MACROD2: variants seen among roughly 807,000 people sequenced by gnomAD.
The protein encoded by MACROD2 is mono-ADP ribosylhydrolase 2, also known as ADP-ribose glycohydrolase MACROD2.
In MACROD2, 36 loss-of-function variants were observed where a neutral mutation model predicts 70.4. That is an observed-to-expected ratio of 0.51 (90% CI 0.39 to 0.68). The LOEUF is 0.68. Among genes scored for constraint, MACROD2 ranks in the 30% least tolerant of loss-of-function variants. MACROD2 has a pLI of 0.00. For missense variants in MACROD2, 496 were observed against 538.4 expected (o/e 0.92, Z 0.78); for synonymous variants, 172 against 178.8 (o/e 0.96, Z 0.30).
At chr20:15,170,024 T>C (rs2076412056) in intron 5 of MACROD2, among the ~76,000 whole-genome samples, 1 of 152,244 alleles carries the variant, frequency 6.6e-6, no homozygotes, top group African/African-American at 2.4e-5. Context: ...GAAAGCAACA[T>C]GCAAAACACG....
intron 3 of MACROD2, among the ~76,000 whole-genome samples, chr20:14,433,327 G>T (rs2084017164): frequency 6.6e-6 from 1 of 152,152 alleles, no homozygotes; most frequent in Admixed American, 6.6e-5. Flanking sequence ...TGTGTAATAG[G>T]AATGTTTCAG....
At chr20:15,068,808 C>T (rs1050442594) in intron 5 of MACROD2, among the ~76,000 whole-genome samples, 3 of 152,100 alleles carry the variant, frequency 2.0e-5, no homozygotes, top group African/African-American at 7.2e-5. Flanking sequence ...TGGACTGACA[C>T]AGAAAATTGT....
In MACROD2 at chr20:15,459,743, C is replaced by T. The variant is rs534066480; in HGVS notation, c.571+28308C>T. On this transcript the variant is annotated intron_variant, in intron 7 of 17. Transcript: ENST00000684519. ...CGGGAGCCTATGGGAACAGTAAGAA[C>T]TCAGATTATGATTAGGATACAAAGA... Among the ~76,000 whole-genome samples, 55 of 152,194 alleles carry T rather than the reference C, an allele frequency of 3.6e-4. No individual in the cohort carries two copies. The Middle Eastern group carries it at 0.027, about 75-fold the overall frequency.
At chr20:15,783,484 T>C (rs980841410) in intron 8 of MACROD2, among the ~76,000 whole-genome samples, 1 of 152,114 alleles carries the variant, frequency 6.6e-6, no homozygotes, top group African/African-American at 2.4e-5. Context: ...CCAGTCCTAT[T>C]GGAGGGGTAT....
At chr20:15,041,462 T>C (rs1023656345) in intron 5 of MACROD2, among the ~76,000 whole-genome samples, 11 of 152,122 alleles carry the variant, frequency 7.2e-5, no homozygotes, top group African/African-American at 2.2e-4. Context: ...TCTTACTTTT[T>C]TGAGACAGGG....
intron 3 of MACROD2, among the ~76,000 whole-genome samples, chr20:14,236,546 C>A (rs2081873646): frequency 6.6e-6 from 1 of 151,808 alleles, no homozygotes; most frequent in African/African-American, 2.4e-5. Context: ...ATGAAAGAAT[C>A]AAATTAACAA....
At chr20:15,140,995 C>T (rs1198307009) in intron 5 of MACROD2, among the ~76,000 whole-genome samples, 2 of 152,180 alleles carry the variant, frequency 1.3e-5, no homozygotes, top group Admixed American at 6.6e-5. Flanking sequence ...ATTCCATTTA[C>T]ATGCATTCAG....
At chr20:14,363,400 A>G (rs962958564) in intron 3 of MACROD2, among the ~76,000 whole-genome samples, 1 of 152,146 alleles carries the variant, frequency 6.6e-6, no homozygotes, top group East Asian at 1.9e-4. Context: ...GTCCTAAAAC[A>G]TGCCGTTCTA....
chr20:15,999,664 G>A (rs916924491), intron 15 of MACROD2, among the ~76,000 whole-genome samples: 2 of 152,150 alleles, frequency 1.3e-5, no homozygotes, highest in Admixed American at 1.3e-4. Context: ...ATGTTTGGTG[G>A]ATAAATACAT....
intron 3 of MACROD2, among the ~76,000 whole-genome samples, chr20:14,183,625 A>G (rs1259459459): frequency 2.6e-5 from 4 of 151,924 alleles, no homozygotes; most frequent in Non-Finnish European, 5.9e-5. Flanking sequence ...TGAAGTAATT[A>G]ATACTCCCAT....
At chr20:15,485,185 C>A (rs768166155) in intron 7 of MACROD2, among the ~76,000 whole-genome samples, 1 of 151,792 alleles carries the variant, frequency 6.6e-6, no homozygotes, top group Non-Finnish European at 1.5e-5. Context: ...TCTTCATTTT[C>A]TTTGAGCCTA....
At chr20:14,175,645 C>T (rs1391453718) in intron 3 of MACROD2, among the ~76,000 whole-genome samples, 1 of 152,112 alleles carries the variant, frequency 6.6e-6, no homozygotes, top group African/African-American at 2.4e-5. Context: ...TATTTTCCTG[C>T]CCCCAAGTGA....
chr20:15,295,245 G>GA (rs2077575451), intron 6 of MACROD2, among the ~76,000 whole-genome samples: 3 of 152,290 alleles, frequency 2.0e-5, no homozygotes, highest in Middle Eastern at 3.4e-3. Context: ...GTGGAACTGT[G>GA]AGACCATTAA....
rs2050516920 is a variant in MACROD2, at chr20:15,705,312, A to G, written c.646-157433A>G. ...AGGATTCAGGTATTGGTATTTTTTA[A>G]AGCCCCATGGGTGATTCCAGAGTGA... On this transcript the variant is annotated intron_variant, in intron 8 of 17. Coordinates refer to ENST00000684519, the MANE Select transcript of MACROD2 (RefSeq NM_001351661.2). Among the ~76,000 whole-genome samples the G allele has an allele frequency of 2.6e-5, 4 of 152,320 alleles. No homozygotes were observed. In the South Asian group the frequency reaches 6.2e-4, roughly 24 times the overall value.
chr20:14,363,462 G>C (rs983186456), intron 3 of MACROD2, among the ~76,000 whole-genome samples: 1 of 152,096 alleles, frequency 6.6e-6, no homozygotes, highest in Admixed American at 6.6e-5. Context: ...AAATGACATA[G>C]CATATTTAAT....
intron 6 of MACROD2, among the ~76,000 whole-genome samples, chr20:15,266,434 C>G (rs1369065884): frequency 6.6e-6 from 1 of 152,084 alleles, no homozygotes; most frequent in Non-Finnish European, 1.5e-5. Context: ...CTTCATTGTG[C>G]CAATGATACA....
intron 3 of MACROD2, among the ~76,000 whole-genome samples, chr20:14,399,416 C>T (rs1302981727): frequency 6.6e-6 from 1 of 152,000 alleles, no homozygotes; most frequent in Non-Finnish European, 1.5e-5. Flanking sequence ...CTGTTTTTGG[C>T]TTGCATTTTT....
intron 3 of MACROD2, among the ~76,000 whole-genome samples, chr20:14,377,328 G>A (rs1246797427): frequency 1.3e-5 from 2 of 152,178 alleles, no homozygotes; most frequent in Non-Finnish European, 2.9e-5. Context: ...CATTTTCTCA[G>A]AAGGTTTCCT....
At chr20:14,853,412 A>C (rs1261146241) in intron 5 of MACROD2, among the ~76,000 whole-genome samples, 1 of 151,960 alleles carries the variant, frequency 6.6e-6, no homozygotes, top group African/African-American at 2.4e-5. Flanking sequence ...AAATGCTTTC[A>C]TGGCCCGTCT....
Sources: gnomAD v4.1 joint callset for allele counts (sites outside exome capture counted in the v4.1 genomes callset) on GRCh38, gnomAD v4.1.1 for gene constraint, MANE v1.5 for transcripts, NCBI Gene and HGNC (gene_info 2026-07-23, HGNC 2026-07-21) for gene names.